The following DNMT3A variants were observed in gnomAD, a reference collection of about 807,000 sequenced individuals.
DNMT3A encodes the protein DNA (cytosine-5)-methyltransferase 3A.
In DNMT3A, 267 loss-of-function variants were observed where a neutral mutation model predicts 117.6. The observed-to-expected ratio is 2.27, with a 90% CI of 2.05 to 2.51. The LOEUF is 2.51. Ranked by LOEUF, DNMT3A falls within the 30% of genes most tolerant of loss-of-function variation. The pLI is 0.00. For missense variants in DNMT3A, 1,029 were observed against 1,260.2 expected (o/e 0.82, Z 2.78); for synonymous variants, 432 against 474.8 (o/e 0.91, Z 1.17).
intron 6 of DNMT3A, among the ~76,000 whole-genome samples, chr2:25,267,070 A>G (rs1167793663): frequency 6.6e-6 from 1 of 152,246 alleles, no homozygotes; most frequent in Non-Finnish European, 1.5e-5. Context: ...GGTGGAATAT[A>G]ATAGTAATTA....
intron 3 of DNMT3A, among the ~76,000 whole-genome samples, chr2:25,295,562 A>G (rs1479499535): frequency 6.6e-6 from 1 of 152,222 alleles, no homozygotes; most frequent in Non-Finnish European, 1.5e-5. Context: ...CCAGTTCCAC[A>G]CACTTTTTCC....
chr2:25,315,891 A>T (rs954242430), intron 1 of DNMT3A, among the ~76,000 whole-genome samples: 7 of 152,204 alleles, frequency 4.6e-5, no homozygotes, highest in African/African-American at 1.7e-4. Flanking sequence ...TAAAACAAAA[A>T]CCTTCGAAAG....
chr2:25,272,782 C>T (rs2031026355), intron 6 of DNMT3A, among the ~76,000 whole-genome samples: 1 of 151,398 alleles, frequency 6.6e-6, no homozygotes, highest in East Asian at 1.9e-4. Context: ...GCCAGAACCC[C>T]CACCCTGTTC....
At chr2:25,258,478 G>C (rs1676345810) in intron 6 of DNMT3A, among the ~76,000 whole-genome samples, 1 of 152,234 alleles carries the variant, frequency 6.6e-6, no homozygotes, top group Non-Finnish European at 1.5e-5. Flanking sequence ...CTTAGCACCT[G>C]CAGTAGGTAG....
At chr2:25,290,022 C>T (rs78636096) in intron 3 of DNMT3A, among the ~76,000 whole-genome samples, 10,892 of 152,246 alleles carry the variant, frequency 0.072, 547 homozygotes, top group Non-Finnish European at 0.092. Context: ...GGTTGGAGTG[C>T]GGTGGCACGA....
chr2:25,248,159 G>A lies in DNMT3A; in HGVS notation c.733C>T (p.Pro245Ser), dbSNP rs775861139. ...GGGTCAGTGGGCTGCTGCACAGCAG[G>A]AGGGCTGGCCTCCTCCACCTTCTGA... is the stretch of plus-strand genomic sequence containing the variant. The part of the protein sequence containing the change: ...ESQKVEEASP[P>S]AVQQPTDPAS... The change falls in exon 7 of 23, where the codon CCT becomes TCT. Residue 245 changes from proline to serine, a missense_variant. Pro to Ser is a moderately conservative substitution (Grantham distance 74, BLOSUM62 -1). Transcript: ENST00000321117. 1.2e-6 allele frequency: 2 copies of A among 1,613,856 alleles called. No homozygotes were observed. Among genetic ancestry groups the A allele is most frequent in the African/African-American group, 2.7e-5 (2 of 74,932 alleles).
At chr2:25,240,845 G>A (rs1673944784) in intron 17 of DNMT3A, 115 bp from the exon 18 acceptor site, 2 of 1,007,520 alleles carry the variant, frequency 2.0e-6, no homozygotes, top group Admixed American at 4.3e-5. Context: ...AAAGAGAGGA[G>A]ACCCAGCTGC....
intron 6 of DNMT3A, among the ~76,000 whole-genome samples, chr2:25,271,475 T>TGGGGGTA (rs2030900864): frequency 1.3e-5 from 2 of 152,346 alleles, no homozygotes; most frequent in East Asian, 3.9e-4. Flanking sequence ...ATCTAGCCCC[T>TGGGGGTA]TCCTAACCCC....
chr2:25,286,066 T>G lies in DNMT3A; in HGVS notation c.178-3355A>C, dbSNP rs377259049. On this transcript the variant is annotated intron_variant, in intron 3 of 22. Coordinates refer to ENST00000321117, the MANE Select transcript of DNMT3A (RefSeq NM_022552.5). This position sits in a 1 kb window ranked among gnomAD's most constrained non-coding sequence, Gnocchi z 4.3. Reference sequence around the variant, plus strand: ...TTGCTGCCCTGCAGACACCTCAGATTGGGGCAGGCTCTGAGCCCCGCAAAG... The same window carrying G: ...TTGCTGCCCTGCAGACACCTCAGATGGGGGCAGGCTCTGAGCCCCGCAAAG... Among the ~76,000 whole-genome samples the G allele has an allele frequency of 2.2e-3, 334 of 152,340 alleles. 2 individuals are homozygous for G. The South Asian group carries it at 0.022, about 10-fold the overall frequency.
intron 6 of DNMT3A, among the ~76,000 whole-genome samples, chr2:25,268,210 G>A (rs1419713508): frequency 1.3e-5 from 2 of 152,154 alleles, no homozygotes; most frequent in African/African-American, 4.8e-5. Context: ...TAAGTATAAG[G>A]ATGCATGAGT....
chr2:25,303,494 C>T (rs2033625462), intron 2 of DNMT3A, among the ~76,000 whole-genome samples: 1 of 152,252 alleles, frequency 6.6e-6, no homozygotes, highest in South Asian at 2.1e-4. Context: ...CCCCCCGGTG[C>T]CAGGCCACCT....
chr2:25,313,940 A>G lies in DNMT3A; in HGVS notation c.45T>C (p.Ser15=). The G allele has an allele frequency of 6.4e-7, 1 of 1,550,548 alleles. No homozygotes were observed. The highest frequency in any genetic ancestry group is 8.7e-7 in the Non-Finnish European group (1 of 1,147,282). ...TTCGGTCCTCCTCCCGCTCCGCAGC[A>G]GAGCTGCTGGTGTCCCCGGGGCCGC... ...PSSGPGDTSS[S]AAEREEDRKD... is the part of the protein sequence containing the mutation. Residue 15 remains serine, a synonymous_variant, in exon 2 of 23, where the codon TCT becomes TCC. Transcript: ENST00000321117.
chr2:25,233,539 G>C lies in DNMT3A; in HGVS notation c.*740C>G, dbSNP rs141339922. On this transcript the variant is annotated 3_prime_UTR_variant, in exon 23 of 23. Transcript: ENST00000321117. ...GCTTCTAGAAACTGATTTTCTTCAA[G>C]GTTTCCTGTGTGGTAGGCACCTGAA... 4.3e-6 allele frequency: 1 copy of C among 233,238 alleles called. No individual in the cohort carries two copies. The highest frequency in any genetic ancestry group is 8.5e-6 in the Non-Finnish European group (1 of 117,966). The allele number at this position is 233,238 out of a possible 1,614,324, so 14.4% of individuals were successfully genotyped here.
intron 13 of DNMT3A, 121 bp downstream of exon 13, chr2:25,245,132 A>C (rs1674585333): frequency 2.3e-6 from 2 of 877,728 alleles, no homozygotes; most frequent in Non-Finnish European, 3.6e-6. Context: ...GAAGCTCTGA[A>C]GTCTACATCA....
rs1672802733 is a variant in DNMT3A, at chr2:25,229,887, G to A, written c.*4392C>T. The A allele has an allele frequency of 6.6e-6, 1 of 152,256 alleles. No individual in the cohort carries two copies. Among genetic ancestry groups the A allele is most frequent in the African/African-American group, 2.4e-5 (1 of 41,472 alleles). The allele number at this position is 152,256 out of a possible 1,614,324, so 9.4% of individuals were successfully genotyped here. On this transcript the variant is annotated 3_prime_UTR_variant, in exon 23 of 23. Transcript: ENST00000321117. ...AAATATTCCTTCTACTGCTGGAGAAGGTGGGTGTTCCCATCTAGGCTTCCC... is the reference window on the plus strand; with the variant it reads ...AAATATTCCTTCTACTGCTGGAGAAAGTGGGTGTTCCCATCTAGGCTTCCC...
At chr2:25,332,945 A>G (rs1426754264) in intron 1 of DNMT3A, among the ~76,000 whole-genome samples, 1 of 152,174 alleles carries the variant, frequency 6.6e-6, no homozygotes, top group Non-Finnish European at 1.5e-5. Context: ...AGCAAAGGCC[A>G]CTCTCCGCTT....
intron 1 of DNMT3A, among the ~76,000 whole-genome samples, chr2:25,316,822 A>G (rs1264724690): frequency 6.6e-6 from 1 of 152,164 alleles, no homozygotes; most frequent in African/African-American, 2.4e-5. Context: ...CCCTACCACC[A>G]TGAAAAGCAG....
chr2:25,249,514 C>A (rs1016376198), intron 6 of DNMT3A: 2 of 942,112 alleles, frequency 2.1e-6, no homozygotes, highest in South Asian at 3.0e-5. Context: ...CTATGTGCAC[C>A]CTTCAGATCC....
chr2:25,321,768 C>A (rs914948794), intron 1 of DNMT3A, among the ~76,000 whole-genome samples: 1 of 152,194 alleles, frequency 6.6e-6, no homozygotes, highest in African/African-American at 2.4e-5. Flanking sequence ...TGCCTGTAGT[C>A]CCAGCTACTC....
Sources: gnomAD v4.1 joint callset for allele counts (sites outside exome capture counted in the v4.1 genomes callset) on GRCh38, gnomAD v4.1.1 for gene constraint, Gnocchi (gnomAD v3.1) non-coding constraint, MANE v1.5 for transcripts, NCBI Gene and HGNC (gene_info 2026-07-23, HGNC 2026-07-21) for gene names.